The following RGS6 variants were observed in gnomAD, a reference collection of about 807,000 sequenced individuals.
The protein encoded by RGS6 is regulator of G-protein signaling 6.
Under a neutral mutation model 78.5 loss-of-function variants are expected in RGS6, and 30 were observed. The ratio of observed to expected loss-of-function variants is 0.38; its 90% CI spans 0.29 to 0.52. The LOEUF is 0.52. Among genes scored for constraint, RGS6 ranks in the 20% least tolerant of loss-of-function variants. The pLI is 0.85. For missense variants in RGS6, 495 were observed against 609.7 expected, an observed-to-expected ratio of 0.81 and a Z score of 1.98; for synonymous variants, 206 against 206.0, an observed-to-expected ratio of 1.00 and a Z score of 0.00.
At chr14:71,886,384 C>T in the RGS6 span, among the ~76,000 whole-genome samples, 3 of 152,198 alleles carry the variant, frequency 2.0e-5, no homozygotes, top group Non-Finnish European at 2.9e-5. Flanking sequence ...GTGCACATTG[C>T]ACAGTAGGCA....
chr14:72,542,668 AAT>A (rs1288167558), intron 17 of RGS6, among the ~76,000 whole-genome samples: 1 of 152,230 alleles, frequency 6.6e-6, no homozygotes, highest in Non-Finnish European at 1.5e-5. Flanking sequence ...GGCAAAAAGA[AAT>A]AATGTTGATC....
the RGS6 span, among the ~76,000 whole-genome samples, chr14:72,607,690 T>C: frequency 6.6e-6 from 1 of 152,206 alleles, no homozygotes; most frequent in Non-Finnish European, 1.5e-5. Flanking sequence ...TTTTGTTATA[T>C]GAGCCTAAGT....
intron 2 of RGS6, among the ~76,000 whole-genome samples, chr14:72,091,454 A>G (rs1218984361): frequency 1.3e-5 from 2 of 152,112 alleles, no homozygotes; most frequent in Non-Finnish European, 2.9e-5. Flanking sequence ...TGCTGAACTC[A>G]TCTTTCAGTA....
At chr14:72,532,272 TGTA>T (rs1467359205) in intron 15 of RGS6, among the ~76,000 whole-genome samples, 1 of 152,238 alleles carries the variant, frequency 6.6e-6, no homozygotes, top group Non-Finnish European at 1.5e-5. Flanking sequence ...ATGTTACTAT[TGTA>T]ATTGCTCTGG....
At chr14:72,387,974 C>A (rs1316254060) in intron 3 of RGS6, among the ~76,000 whole-genome samples, 1 of 152,090 alleles carries the variant, frequency 6.6e-6, no homozygotes, top group Non-Finnish European at 1.5e-5. Flanking sequence ...GTGGGGACAC[C>A]AGTCATACTG....
chr14:72,207,641 C>T (rs933692754), intron 2 of RGS6, among the ~76,000 whole-genome samples: 8 of 152,194 alleles, frequency 5.3e-5, no homozygotes, highest in African/African-American at 1.9e-4. Context: ...CAACAGCTCA[C>T]CTCACCCAGG....
intron 2 of RGS6, among the ~76,000 whole-genome samples, chr14:72,229,465 C>T (rs1325913094): frequency 6.6e-6 from 1 of 152,150 alleles, no homozygotes; most frequent in African/African-American, 2.4e-5. Flanking sequence ...GTACTCCCTA[C>T]ATGTACCCTC....
At chr14:72,354,631 A>G (rs2079872312) in intron 3 of RGS6, among the ~76,000 whole-genome samples, 1 of 150,964 alleles carries the variant, frequency 6.6e-6, no homozygotes, top group South Asian at 2.1e-4. Context: ...CTCCATCTCA[A>G]AAAAAAAAGT....
chr14:72,577,024 A>G, the RGS6 span, among the ~76,000 whole-genome samples: 1 of 152,198 alleles, frequency 6.6e-6, no homozygotes, highest in Non-Finnish European at 1.5e-5. Context: ...GGCTGCAGGA[A>G]GAGGGCCCCA....
intron 2 of RGS6, among the ~76,000 whole-genome samples, chr14:72,318,577 G>GT (rs2070976846): frequency 6.6e-6 from 1 of 152,136 alleles, no homozygotes; most frequent in South Asian, 2.1e-4. Flanking sequence ...AATATATGAC[G>GT]TAAGGCTGGC....
the RGS6 span, among the ~76,000 whole-genome samples, chr14:71,871,838 C>T: frequency 1.3e-4 from 20 of 152,336 alleles, no homozygotes; most frequent in South Asian, 3.5e-3. Flanking sequence ...CTTTTCCTCT[C>T]CAGCTCATTC....
At chr14:72,022,497 C>T (rs1455687711) in intron 2 of RGS6, 1 of 152,142 alleles carries the variant, frequency 6.6e-6, no homozygotes, top group Admixed American at 6.5e-5. Flanking sequence ...ATGGAGATAC[C>T]TCTTACCTTT....
chr14:72,041,346 T>A (rs2092384675), intron 2 of RGS6, among the ~76,000 whole-genome samples: 2 of 152,226 alleles, frequency 1.3e-5, no homozygotes, highest in South Asian at 4.1e-4. Context: ...AGTTTGCTAA[T>A]TTCTTTTTCA....
rs1319342735 is a variant in RGS6 at position 72,348,387 on chromosome 14, ATAAT to A, written c.85-3706_85-3703del. Among the ~76,000 whole-genome samples, 5 of 152,342 alleles carry A rather than the reference ATAAT, an allele frequency of 3.3e-5. No homozygotes were observed. In the East Asian group the frequency reaches 7.7e-4, roughly 23 times the overall value. ...CTTTTATGACCGGGAAATCAATTAA[ATAAT>A]TTATTTAAAATACTTAGGGCAGTAT... On this transcript the variant is annotated intron_variant, in intron 2 of 17. Coordinates refer to ENST00000553525, the MANE Select transcript of RGS6 (RefSeq NM_001204424.2).
the RGS6 span, among the ~76,000 whole-genome samples, chr14:72,628,277 G>C: frequency 1.3e-5 from 2 of 151,988 alleles, no homozygotes; most frequent in Non-Finnish European, 2.9e-5. Flanking sequence ...ATCATGTTAA[G>C]AAGATATCCC....
intron 14 of RGS6, chr14:72,516,828 G>A (rs1382420274): frequency 6.6e-6 from 1 of 152,328 alleles, no homozygotes; most frequent in African/African-American, 2.4e-5. Flanking sequence ...GCGTAGACAG[G>A]ATGAGGGCAG....
At chr14:72,132,491 C>T (rs1598134753) in intron 2 of RGS6, among the ~76,000 whole-genome samples, 1 of 152,016 alleles carries the variant, frequency 6.6e-6, no homozygotes, top group African/African-American at 2.4e-5. Flanking sequence ...GTTGGCCAGG[C>T]CAGTCTCAAA....
At chr14:72,256,992 T>A (rs1387464474) in intron 2 of RGS6, among the ~76,000 whole-genome samples, 2 of 152,238 alleles carry the variant, frequency 1.3e-5, no homozygotes, top group East Asian at 3.8e-4. Context: ...GGTAGACACC[T>A]GCAAGAGGAG....
At chr14:72,120,601 C>T (rs951275649) in intron 2 of RGS6, among the ~76,000 whole-genome samples, 7 of 152,154 alleles carry the variant, frequency 4.6e-5, no homozygotes, top group South Asian at 2.1e-4. Context: ...GGATAAACTG[C>T]GTTGTGTTCA....
Sources: allele counts gnomAD v4.1 joint callset (sites outside exome capture counted in the v4.1 genomes callset), GRCh38; gene constraint gnomAD v4.1.1; transcripts MANE v1.5; gene names NCBI Gene and HGNC (gene_info 2026-07-23, HGNC 2026-07-21).